RNF17: variants seen among roughly 807,000 people sequenced by gnomAD.
RNF17 encodes spermatogenesis associated 23.
Under a neutral mutation model 200.5 loss-of-function variants are expected in RNF17, and 31 were observed. The observed-to-expected ratio is 0.15, with a 90% confidence interval of 0.12 to 0.21. The LOEUF (loss-of-function observed/expected upper bound fraction) is 0.21. RNF17 is among the 10% of genes least tolerant of loss of function. RNF17 has a pLI of 1.00. For missense variants in RNF17, 1,628 were observed against 1,905.1 expected (o/e 0.85, Z 2.71); for synonymous variants, 606 against 637.8 (o/e 0.95, Z 0.75).
At chr13:24,782,949 G>A (rs1882626446) in intron 6 of RNF17, among the ~76,000 whole-genome samples, 1 of 150,588 alleles carries the variant, frequency 6.6e-6, no homozygotes, top group Non-Finnish European at 1.5e-5. Flanking sequence ...TGTGCTTTTG[G>A]TGTCATATTC....
rs774720281 is a variant in RNF17 at position 24,793,277 on chromosome 13, G to T, written c.1171G>T (p.Ala391Ser). The change falls in exon 10 of 36, where the codon GCT becomes TCT. Residue 391 changes from alanine to serine, a missense_variant. Around this residue, in one of 5 missense-constraint regions of RNF17, gnomAD observed 502 missense variants for 501.7 expected, o/e 1.00. Transcript: ENST00000255324. ...TGCAACAGCATCCCCTAAAACCATT[G>T]CTGTGTTACCTCAGATGGGATCTAG... ...DVATASPKTI[A>S]VLPQMGSSPD... The T allele has an allele frequency of 2.5e-6, 4 of 1,613,866 alleles. No individual in the cohort carries two copies. Among genetic ancestry groups the T allele is most frequent in the Non-Finnish European group, 3.4e-6 (4 of 1,179,904 alleles).
intron 25 of RNF17, among the ~76,000 whole-genome samples, chr13:24,854,749 A>G (rs988145510): frequency 1.3e-5 from 2 of 152,246 alleles, no homozygotes; most frequent in Non-Finnish European, 2.9e-5. Flanking sequence ...CAATGGGTCA[A>G]TGTGCTGATC....
chr13:24,804,060 C>T (rs1885561660), intron 14 of RNF17: 1 of 422,002 alleles, frequency 2.4e-6, no homozygotes, highest in Admixed American at 4.2e-5. Flanking sequence ...CGCCTGAGCC[C>T]AGGAGTTCAG....
At chr13:24,834,489 C>T (rs538404328) in intron 18 of RNF17, among the ~76,000 whole-genome samples, 6 of 152,218 alleles carry the variant, frequency 3.9e-5, no homozygotes, top group Admixed American at 6.5e-5. Context: ...CTGGAGGACC[C>T]GGGAGAGCCC....
chr13:24,812,225 G>A (rs1886743091), intron 15 of RNF17, among the ~76,000 whole-genome samples: 2 of 151,346 alleles, frequency 1.3e-5, no homozygotes, highest in Admixed American at 1.3e-4. Context: ...GCAATGGCGG[G>A]CGCCCCTCCC....
At chr13:24,801,034 A>G (rs551608636) in intron 13 of RNF17, among the ~76,000 whole-genome samples, 83 of 152,340 alleles carry the variant, frequency 5.4e-4, no homozygotes, top group Non-Finnish European at 9.3e-4. Flanking sequence ...GTCTTTGCTC[A>G]TCGTTGTATT....
intron 12 of RNF17, 67 bp from the exon 13 acceptor site, chr13:24,800,299 C>A: frequency 1.8e-6 from 2 of 1,123,620 alleles, no homozygotes; most frequent in Non-Finnish European, 2.5e-6. Context: ...TGCATACCTT[C>A]TGTGGGGGAA....
intron 12 of RNF17, among the ~76,000 whole-genome samples, chr13:24,800,082 G>A (rs1232523043): frequency 6.6e-6 from 1 of 152,092 alleles, no homozygotes; most frequent in African/African-American, 2.4e-5. Flanking sequence ...TTATGAATAA[G>A]TAGATTTATA....
chr13:24,868,674 A>G lies in RNF17; in HGVS notation c.4236A>G (p.Glu1412=). The change falls in exon 31 of 36, where the codon GAA becomes GAG. Residue 1412 remains glutamate (E), a synonymous_variant. Transcript: ENST00000255324. ...CTTCATCTCTGCCTTCCCCAGGAGA[A>G]CTCTATGCTGTTCAAGTTAAGCACG... The part of the protein sequence containing the change: ...YLSSSLPSPG[E]LYAVQVKHVV... The G allele has an allele frequency of 6.2e-7, 1 of 1,605,042 alleles. No homozygotes were observed. The highest frequency in any genetic ancestry group is 8.5e-7 in the Non-Finnish European group (1 of 1,171,888).
chr13:24,845,944 A>G (rs914265065), intron 22 of RNF17, among the ~76,000 whole-genome samples: 2 of 152,146 alleles, frequency 1.3e-5, no homozygotes, highest in African/African-American at 2.4e-5. Flanking sequence ...AGGAGGGGAA[A>G]GGGCCAGGTG....
chr13:24,778,464 G>A (rs910024628), intron 4 of RNF17, 58 bp downstream of exon 4: 2 of 1,081,574 alleles, frequency 1.8e-6, no homozygotes, highest in Non-Finnish European at 2.8e-6. Flanking sequence ...TTTGTCTCTA[G>A]TAGCTCAACT....
chr13:24,796,237 G>C lies in RNF17; in HGVS notation c.1341G>C (p.Lys447Asn), dbSNP rs774085976. The stretch of plus-strand genomic sequence containing the variant: ...AAGACGCCAAAGTACTGGAGAAGAA[G>C]GTGAATGAATTTTGCAATAGGAGTT... Reference protein sequence around the residue: ...QIKDAKVLEKKVNEFCNRSSH... With the variant: ...QIKDAKVLEKNVNEFCNRSSH... Residue 447 changes from lysine to asparagine, a missense_variant, in exon 11 of 36, where the codon AAG (lysine) becomes AAC (asparagine). By Grantham distance (94) the Lys-to-Asn change is moderately conservative. This residue lies in a region of RNF17 where 289 missense variants were observed against 384.9 expected (regional missense o/e 0.75). Transcript: ENST00000255324. 3.7e-6 allele frequency: 6 copies of C among 1,612,218 alleles called. No homozygotes were observed. In the African/African-American group the frequency reaches 8.0e-5, roughly 22 times the overall value.
intron 30 of RNF17, among the ~76,000 whole-genome samples, chr13:24,867,615 A>G (rs1215608927): frequency 1.3e-5 from 2 of 152,162 alleles, no homozygotes; most frequent in African/African-American, 4.8e-5. Flanking sequence ...AAATTAACCT[A>G]CAAATTTGAA....
At chr13:24,852,660 TGG>T (rs1469443961) in intron 24 of RNF17, among the ~76,000 whole-genome samples, 1 of 152,178 alleles carries the variant, frequency 6.6e-6, no homozygotes, top group Non-Finnish European at 1.5e-5. Flanking sequence ...AGATGTGGCC[TGG>T]ATTGCCCGGG....
chr13:24,861,138 C>A, intron 26 of RNF17, 130 bp from the exon 27 acceptor site: 1 of 675,568 alleles, frequency 1.5e-6, no homozygotes, highest in Non-Finnish European at 2.3e-6. Context: ...CTCTGCCTCC[C>A]AGAGTGCTGG....
chr13:24,851,369 TAGA>T (rs1566224430), intron 23 of RNF17, 84 bp from the exon 24 acceptor site: 23 of 894,944 alleles, frequency 2.6e-5, no homozygotes, highest in South Asian at 4.4e-5. Flanking sequence ...TAGAGAAATG[TAGA>T]AGAACTGCCT....
intron 15 of RNF17, among the ~76,000 whole-genome samples, chr13:24,807,677 T>C (rs1019917248): frequency 2.6e-5 from 4 of 151,958 alleles, no homozygotes; most frequent in African/African-American, 9.7e-5. Context: ...ATTTTGTCTT[T>C]TGTTGCCATT....
rs1265854759 is a variant in RNF17, at chr13:24,831,854, A to G, written c.2362-4A>G. 6.3e-7 allele frequency: 1 copy of G among 1,592,570 alleles called. No individual in the cohort carries two copies. Among genetic ancestry groups the G allele is most frequent in the Admixed American group, 1.9e-5 (1 of 52,902 alleles). Reference sequence around the variant, plus strand: ...TCTTAATGGTGGAATTTTGTCTGACACAGGCAATTAAATGTAAGTTGGCCT... The same window carrying G: ...TCTTAATGGTGGAATTTTGTCTGACGCAGGCAATTAAATGTAAGTTGGCCT... On this transcript the variant is annotated splice_polypyrimidine_tract_variant and splice_region_variant and intron_variant, in intron 17 of 35. Coordinates refer to ENST00000255324, the MANE Select transcript of RNF17 (RefSeq NM_031277.3).
downstream of RNF17, among the ~76,000 whole-genome samples, chr13:24,883,761 T>C (rs1041075474): frequency 6.6e-6 from 1 of 152,198 alleles, no homozygotes; most frequent in African/African-American, 2.4e-5. Flanking sequence ...AAAATCTGTT[T>C]TGAAAGAATG....
Sources: gnomAD v4.1 joint callset for allele counts (sites outside exome capture counted in the v4.1 genomes callset) on GRCh38, gnomAD v4.1.1 for gene constraint, gnomAD v4.1.1 regional missense constraint, MANE v1.5 for transcripts, NCBI Gene and HGNC (gene_info 2026-07-23, HGNC 2026-07-21) for gene names.